The following CAST variants were observed in gnomAD, a reference collection of about 807,000 sequenced individuals.
CAST encodes calpastatin, also known as MIR583 host.
Under a neutral mutation model 119.6 loss-of-function variants are expected in CAST, and 76 were observed. The ratio of observed to expected loss-of-function variants is 0.64; its 90% confidence interval spans 0.53 to 0.77. The LOEUF is 0.77. Among genes scored for constraint, CAST ranks in the 30% least tolerant of loss-of-function variants. The pLI, the probability that CAST is intolerant of heterozygous loss-of-function variation, is 0.00. For synonymous variants in CAST, 319 were observed against 331.6 expected (o/e 0.96, Z 0.41); for missense variants, 953 against 946.5 (o/e 1.01, Z -0.09).
the CAST span, among the ~76,000 whole-genome samples, chr5:96,373,716 A>T: frequency 6.6e-6 from 1 of 152,062 alleles, no homozygotes; most frequent in Non-Finnish European, 1.5e-5. Flanking sequence ...GTTGTGCTGG[A>T]CATGGAGCAT....
the CAST span, among the ~76,000 whole-genome samples, chr5:96,178,726 T>A: frequency 6.6e-6 from 1 of 152,176 alleles, no homozygotes; most frequent in Admixed American, 6.5e-5. Context: ...GTTTTTATCT[T>A]GGAGAGCCCT....
chr5:96,262,588 G>A, the CAST span, among the ~76,000 whole-genome samples: 1 of 152,104 alleles, frequency 6.6e-6, no homozygotes, highest in Admixed American at 6.6e-5. Flanking sequence ...GGAGTGCAGT[G>A]GTGCAATCTC....
At chr5:96,198,235 T>A in the CAST span, among the ~76,000 whole-genome samples, 1 of 152,194 alleles carries the variant, frequency 6.6e-6, no homozygotes, top group Non-Finnish European at 1.5e-5. Flanking sequence ...CCATGCTCAA[T>A]CTGGTTTTAC....
chr5:96,285,124 AGCTACCTGATTCATTCATTT>A, the CAST span, among the ~76,000 whole-genome samples: 1 of 152,188 alleles, frequency 6.6e-6, no homozygotes, highest in African/African-American at 2.4e-5. Context: ...TTATCCATGT[AGCTACCTGATTCATTCATTT>A]AACACACACC....
the CAST span, chr5:96,412,582 G>A: frequency 4.8e-6 from 6 of 1,245,436 alleles, no homozygotes; most frequent in East Asian, 1.5e-4. Flanking sequence ...TATTTTTAAA[G>A]GATTTTAAGA....
At chr5:96,062,421 G>T in the CAST span, among the ~76,000 whole-genome samples, 3 of 152,164 alleles carry the variant, frequency 2.0e-5, no homozygotes, top group Non-Finnish European at 4.4e-5. Context: ...TGGATCCAGC[G>T]ATGAAGGCTT....
the CAST span, among the ~76,000 whole-genome samples, chr5:96,177,580 G>T: frequency 1.3e-5 from 2 of 152,182 alleles, no homozygotes; most frequent in Admixed American, 6.5e-5. Flanking sequence ...GGAATGGCAA[G>T]GTCTCTCAGC....
chr5:96,662,306 C>T, upstream of CAST: 2 of 1,152,634 alleles, frequency 1.7e-6, no homozygotes, highest in Non-Finnish European at 2.2e-6. Flanking sequence ...TCATCGCCCG[C>T]TCCCGGGCCC....
At chr5:96,752,272 C>A (rs903974401) in intron 20 of CAST, among the ~76,000 whole-genome samples, 2 of 152,180 alleles carry the variant, frequency 1.3e-5, no homozygotes, top group Non-Finnish European at 2.9e-5. Flanking sequence ...TGCTTCTTCT[C>A]CTAGGTTTTC....
At chr5:96,510,626 A>C in the CAST span, among the ~76,000 whole-genome samples, 1 of 152,026 alleles carries the variant, frequency 6.6e-6, no homozygotes, top group African/African-American at 2.4e-5. Flanking sequence ...AAACAAGCCA[A>C]CTGCAGAAAG....
At position 96,531,446 on chromosome 5, in the gene CAST, A is replaced by G. The variant is rs573662245; in HGVS notation, c.60+1566A>G. On this transcript the variant is annotated intron_variant, in intron 1 of 11. Coordinates refer to the CAST transcript ENST00000505143. ...TTCTGACACAAAAGAAAAATCCTCCATAGAAACTGAGACCTACACTCTCCA... is the reference window on the plus strand; with the variant it reads ...TTCTGACACAAAAGAAAAATCCTCCGTAGAAACTGAGACCTACACTCTCCA... 3.1e-4 allele frequency among the ~76,000 whole-genome samples: 45 copies of G among 146,028 alleles called. 1 individual carries two copies. Among genetic ancestry groups the G allele is most frequent in the Admixed American group, 1.4e-3 (21 of 14,654 alleles).
chr5:95,974,310 G>T, the CAST span, among the ~76,000 whole-genome samples: 105 of 152,134 alleles, frequency 6.9e-4, no homozygotes, highest in Non-Finnish European at 1.2e-3. Context: ...CTGATTGGGA[G>T]AATTTTCTTT....
chr5:96,103,092 T>G, the CAST span, among the ~76,000 whole-genome samples: 5 of 152,122 alleles, frequency 3.3e-5, no homozygotes, highest in African/African-American at 1.2e-4. Context: ...GGATACAAAA[T>G]CAATAGTTGT....
the CAST span, among the ~76,000 whole-genome samples, chr5:96,355,430 TAA>T: frequency 6.6e-6 from 1 of 152,226 alleles, no homozygotes. Flanking sequence ...AGTCTATCAT[TAA>T]TGGCATTTGG....
At chr5:96,436,959 GA>G in the CAST span, among the ~76,000 whole-genome samples, 1 of 152,164 alleles carries the variant, frequency 6.6e-6, no homozygotes. Context: ...TCACATGATG[GA>G]AATAGACATG....
intron 1 of CAST, among the ~76,000 whole-genome samples, chr5:96,636,715 T>C (rs1747890688): frequency 6.6e-6 from 1 of 152,178 alleles, no homozygotes. Context: ...CGCTTTCAAA[T>C]GTACATTCAG....
At chr5:96,395,070 A>C in the CAST span, 1 of 1,426,948 alleles carries the variant, frequency 7.0e-7, no homozygotes, top group Non-Finnish European at 9.9e-7. Context: ...TTTAGATAAT[A>C]TAAAACAAAC....
At chr5:96,512,357 A>G in the CAST span, among the ~76,000 whole-genome samples, 1 of 152,204 alleles carries the variant, frequency 6.6e-6, no homozygotes, top group South Asian at 2.1e-4. Context: ...ATAAACCTGT[A>G]TATTTTGCAA....
chr5:96,161,414 T>G, the CAST span, among the ~76,000 whole-genome samples: 1 of 152,202 alleles, frequency 6.6e-6, no homozygotes, highest in Non-Finnish European at 1.5e-5. Flanking sequence ...TAAATGATCT[T>G]GGCACCTCTG....
Sources: gnomAD v4.1 joint callset for allele counts (sites outside exome capture counted in the v4.1 genomes callset) on GRCh38, gnomAD v4.1.1 for gene constraint, MANE v1.5 for transcripts, NCBI Gene and HGNC (gene_info 2026-07-23, HGNC 2026-07-21) for gene names.